SLIT1: variants seen among roughly 807,000 people sequenced by gnomAD.
The protein encoded by SLIT1 is slit guidance ligand 1.
SLIT1 carries 66 observed loss-of-function variants against 186.1 expected under a neutral mutation model. The observed-to-expected ratio is 0.35, with a 90% CI of 0.29 to 0.44. The LOEUF (loss-of-function observed/expected upper bound fraction) is 0.44. Among genes scored for constraint, SLIT1 ranks in the 20% least tolerant of loss-of-function variants. The pLI, the probability that SLIT1 is intolerant of heterozygous loss-of-function variation, is 1.00. For missense variants in SLIT1, 1,638 were observed against 2,037.4 expected (o/e 0.80, Z 3.77); for synonymous variants, 761 against 833.8 (o/e 0.91, Z 1.50).
chr10:97,144,463 C>G (rs981531008), intron 4 of SLIT1, among the ~76,000 whole-genome samples: 1 of 152,148 alleles, frequency 6.6e-6, no homozygotes, highest in Non-Finnish European at 1.5e-5. Flanking sequence ...GTCACTACCC[C>G]ATTTTCAGTC....
intron 4 of SLIT1, 157 bp downstream of exon 4, chr10:97,157,661 G>A: frequency 1.5e-6 from 1 of 669,488 alleles, no homozygotes; most frequent in Admixed American, 2.3e-5. Context: ...CTACAGAAAG[G>A]GCCTGGCCTT....
intron 3 of SLIT1, 54 bp from the exon 4 acceptor site, chr10:97,157,943 G>GACTT: frequency 7.5e-7 from 1 of 1,332,504 alleles, no homozygotes; most frequent in Admixed American, 1.7e-5. Flanking sequence ...AAATCCAAAG[G>GACTT]ACTTCTCAGA....
intron 4 of SLIT1, among the ~76,000 whole-genome samples, chr10:97,098,498 A>G (rs1849315313): frequency 6.6e-6 from 1 of 152,186 alleles, no homozygotes; most frequent in Non-Finnish European, 1.5e-5. Context: ...AGGTGAGCAG[A>G]GGCAGGAAGC....
rs187208071 is a variant in SLIT1, at chr10:97,032,727, G to A, written c.2439-1050C>T. ...CAAGGGAAATCACACTTGCAATAGC[G>A]TCATGCTGGAAACAGCCCCCGTGTT... On this transcript the variant is annotated intron_variant, in intron 23 of 36. Transcript: ENST00000266058. Among the ~76,000 whole-genome samples, 13 of 148,150 alleles carry A rather than the reference G, an allele frequency of 8.8e-5. No individual in the cohort carries two copies. In the South Asian group the frequency reaches 2.0e-3, roughly 23 times the overall value.
chr10:97,015,927 G>A (rs886391606), intron 28 of SLIT1, among the ~76,000 whole-genome samples: 6 of 152,160 alleles, frequency 3.9e-5, no homozygotes, highest in Non-Finnish European at 8.8e-5. Context: ...AGGGTAAGGA[G>A]TAAAATGGAA....
chr10:97,146,565 C>A (rs12570870), intron 4 of SLIT1, among the ~76,000 whole-genome samples: 7,581 of 151,904 alleles, frequency 0.05, 212 homozygotes, highest in South Asian at 0.099. Context: ...CCCAGCCCCC[C>A]CCACTGAACA....
At chr10:97,076,034 G>A (rs540312827) in intron 4 of SLIT1, among the ~76,000 whole-genome samples, 2 of 152,226 alleles carry the variant, frequency 1.3e-5, no homozygotes, top group African/African-American at 4.8e-5. Flanking sequence ...GCTCACCAAG[G>A]CCCGCCTTCC....
At chr10:97,104,653 C>G (rs1368255730) in intron 4 of SLIT1, among the ~76,000 whole-genome samples, 1 of 152,060 alleles carries the variant, frequency 6.6e-6, no homozygotes, top group African/African-American at 2.4e-5. Flanking sequence ...CAGCCCCCAC[C>G]CCACCACACG....
chr10:97,089,429 C>A (rs1190002628), intron 4 of SLIT1, among the ~76,000 whole-genome samples: 1 of 152,266 alleles, frequency 6.6e-6, no homozygotes, highest in Non-Finnish European at 1.5e-5. Context: ...GCTGCTGGGG[C>A]CCTCGGCTCC....
chr10:97,110,705 G>C (rs779452136), intron 4 of SLIT1, among the ~76,000 whole-genome samples: 4 of 152,162 alleles, frequency 2.6e-5, no homozygotes, highest in Non-Finnish European at 5.9e-5. Flanking sequence ...AGTCAGTAGA[G>C]AGGTTCCCTC....
intron 4 of SLIT1, among the ~76,000 whole-genome samples, chr10:97,126,160 T>G (rs1014993223): frequency 2.6e-5 from 4 of 152,242 alleles, no homozygotes; most frequent in African/African-American, 4.8e-5. Context: ...TATTAGATTT[T>G]TAATAACTTT....
intron 4 of SLIT1, among the ~76,000 whole-genome samples, chr10:97,082,045 A>T (rs573287635): frequency 1.3e-5 from 2 of 152,312 alleles, no homozygotes; most frequent in East Asian, 3.9e-4. Flanking sequence ...CCACCCTTAG[A>T]CTCCTAGGAG....
In SLIT1 at chr10:97,022,360, T is replaced by C. The variant is rs1431702521; in HGVS notation, c.2583-947A>G. 1.3e-5 allele frequency among the ~76,000 whole-genome samples: 2 copies of C among 152,240 alleles called. No homozygotes were observed. The highest frequency in any genetic ancestry group is 2.1e-4 in the South Asian group (1 of 4,836). On this transcript the variant is annotated intron_variant, in intron 25 of 36. Transcript: ENST00000266058. This position sits in a 1 kb window ranked among gnomAD's most constrained non-coding sequence, Gnocchi z 4.2. ...TCTCATTGTCAGCCACTTTCAAGCA[T>C]TGCAGACAAAGCAAGTGTCTGCCCT...
At chr10:97,115,300 G>A (rs749447016) in intron 4 of SLIT1, among the ~76,000 whole-genome samples, 1 of 152,128 alleles carries the variant, frequency 6.6e-6, no homozygotes, top group Non-Finnish European at 1.5e-5. Flanking sequence ...GCTATTCCTT[G>A]GAATTGCCCT....
intron 4 of SLIT1, among the ~76,000 whole-genome samples, chr10:97,111,877 C>A (rs1046380105): frequency 6.6e-6 from 1 of 152,132 alleles, no homozygotes; most frequent in Admixed American, 6.6e-5. Context: ...GTCCAGGGAC[C>A]ACAGGATGCT....
intron 32 of SLIT1, among the ~76,000 whole-genome samples, chr10:97,005,505 C>T (rs1469089619): frequency 6.6e-6 from 1 of 152,208 alleles, no homozygotes; most frequent in Non-Finnish European, 1.5e-5. Flanking sequence ...TCCTTGGACT[C>T]AGCAGCTGGT....
At chr10:97,069,160 G>T (rs1187169706) in intron 4 of SLIT1, among the ~76,000 whole-genome samples, 1 of 152,230 alleles carries the variant, frequency 6.6e-6, no homozygotes, top group African/African-American at 2.4e-5. Flanking sequence ...ATTTAGAGCA[G>T]GGCTGTACAG....
chr10:97,163,601 C>A, intron 2 of SLIT1, 150 bp from the exon 3 acceptor site: 5 of 705,284 alleles, frequency 7.1e-6, no homozygotes, highest in Non-Finnish European at 1.3e-5. Context: ...TCACACAGGC[C>A]TATGCCTGGC....
At chr10:97,071,271 A>T (rs1032183711) in intron 4 of SLIT1, among the ~76,000 whole-genome samples, 2 of 152,158 alleles carry the variant, frequency 1.3e-5, no homozygotes, top group Non-Finnish European at 2.9e-5. Flanking sequence ...AGATGAGAGC[A>T]TGTGCATTAA....
Sources: gnomAD v4.1 joint callset for allele counts (sites outside exome capture counted in the v4.1 genomes callset) on GRCh38, gnomAD v4.1.1 for gene constraint, Gnocchi (gnomAD v3.1) non-coding constraint, MANE v1.5 for transcripts, NCBI Gene and HGNC (gene_info 2026-07-23, HGNC 2026-07-21) for gene names.